The following BCR variants were observed in gnomAD, a reference collection of about 807,000 sequenced individuals.
BCR encodes the protein BCR activator of RhoGEF and GTPase.
In BCR, 58 loss-of-function variants were observed where a neutral mutation model predicts 138.6. The ratio of observed to expected loss-of-function variants is 0.42; its 90% CI spans 0.34 to 0.52. BCR has a LOEUF of 0.52. BCR is among the 20% of genes least tolerant of loss of function. The probability of loss-of-function intolerance (pLI) is 0.06; values close to 1 mark genes in which losing one functional copy is unlikely to be tolerated. For synonymous variants in BCR, 786 were observed against 730.1 expected (o/e 1.08, Z -1.23); for missense variants, 1,599 against 1,727.2 (o/e 0.93, Z 1.32).
At chr22:23,225,656 A>G (rs536387519) in intron 1 of BCR, among the ~76,000 whole-genome samples, 24 of 152,342 alleles carry the variant, frequency 1.6e-4, no homozygotes, top group Non-Finnish European at 2.9e-4. Context: ...TTTATTCGCA[A>G]TGCACTTCAG....
chr22:23,314,183 TCTGCAGTCACTCACTGCCTTTGGCGA>T (rs2074040607), intron 21 of BCR, 110 bp downstream of exon 21: 1 of 886,622 alleles, frequency 1.1e-6, no homozygotes, highest in African/African-American at 1.7e-5. Flanking sequence ...CTGACCCTTG[TCTGCAGTCACTCACTGCCTTTGGCGA>T]CTAGTGCCAC....
chr22:23,253,739 G>A, intron 1 of BCR, 60 bp from the exon 2 acceptor site: 1 of 1,549,428 alleles, frequency 6.5e-7, no homozygotes. Context: ...TGCTGGGATG[G>A]GTTGAGTATG....
Position 23,181,596 on chromosome 22 carries a change from C to G in BCR, c.636C>G (p.Arg212=), listed in dbSNP as rs147251834. 6.2e-7 allele frequency: 1 copy of G among 1,612,626 alleles called. No individual in the cohort carries two copies. The highest frequency in any genetic ancestry group is 1.1e-5 in the South Asian group (1 of 91,082). The change falls in exon 1 of 23, where the codon CGC becomes CGG. Residue 212 remains arginine, a synonymous_variant. Transcript: ENST00000305877. ...SLGSQAMQME[R]KKSQHGAGSS... is the part of the protein sequence containing the mutation. ...GCAGCCAGGCCATGCAGATGGAGCG[C>G]AAAAAGTCCCAGCACGGCGCGGGCT...
At position 23,315,774 on chromosome 22, in the gene BCR, A is replaced by G; in HGVS notation, c.*252A>G. On this transcript the variant is annotated 3_prime_UTR_variant, in exon 23 of 23. Transcript: ENST00000305877. Reference sequence around the variant, plus strand: ...ACCTGAGGGCGCCCCAAGCCAGTTCATCTCGGAGTCCAGGCCTGGCCCTGG... The same window carrying G: ...ACCTGAGGGCGCCCCAAGCCAGTTCGTCTCGGAGTCCAGGCCTGGCCCTGG... 1.7e-6 allele frequency: 1 copy of G among 595,408 alleles called. No individual in the cohort carries two copies. The highest frequency in any genetic ancestry group is 3.1e-6 in the Non-Finnish European group (1 of 319,756). 36.9% of individuals were successfully genotyped at this position (595,408 alleles called of 1,614,324 possible). A position where few individuals can be genotyped will look rare whatever the true frequency, so the allele number is the denominator to read the frequency against.
intron 1 of BCR, among the ~76,000 whole-genome samples, chr22:23,210,570 A>T (rs180752636): frequency 6.6e-6 from 1 of 152,312 alleles, no homozygotes; most frequent in East Asian, 1.9e-4. Flanking sequence ...AGCGTTCTGT[A>T]GCCATTACCT....
chr22:23,202,527 C>A (rs949135843), intron 1 of BCR, among the ~76,000 whole-genome samples: 1 of 152,122 alleles, frequency 6.6e-6, no homozygotes, highest in Non-Finnish European at 1.5e-5. Context: ...CTTCTTCCCC[C>A]ACGCCCAGTC....
chr22:23,199,155 T>G, intron 1 of BCR: 1 of 365,456 alleles, frequency 2.7e-6, no homozygotes, highest in South Asian at 2.0e-5. Context: ...CCCTAACAAA[T>G]GCAGGTTGTG....
intron 14 of BCR, among the ~76,000 whole-genome samples, chr22:23,291,556 C>T (rs2073787564): frequency 6.6e-6 from 1 of 152,018 alleles, no homozygotes; most frequent in Admixed American, 6.6e-5. Context: ...CGGGTCCTGT[C>T]TGTGAGCAAT....
At chr22:23,293,800 A>C (rs12484808) in intron 15 of BCR, among the ~76,000 whole-genome samples, 50,692 of 151,732 alleles carry the variant, frequency 0.33, 9,004 homozygotes, top group African/African-American at 0.44. Context: ...CCTGGCGCAC[A>C]CACACACCCA....
intron 4 of BCR, chr22:23,263,002 A>G: frequency 1.2e-6 from 1 of 820,938 alleles, no homozygotes; most frequent in African/African-American, 1.8e-5. Context: ...GGGGCCGGGA[A>G]AGAGGCACAA....
rs6003592 is a variant in BCR, at chr22:23,261,557, C to T, written c.1752+17C>T. ...CAGAAGCTGGTGAGTAACCCAGGGC[C>T]GGTGCTGGGACTACAGGCGTGTACC... On this transcript the variant is annotated intron_variant, in intron 4 of 22. Coordinates refer to ENST00000305877, the MANE Select transcript of BCR (RefSeq NM_004327.4). 1,647 of 1,609,206 alleles carry T rather than the reference C, an allele frequency of 1.0e-3. 20 individuals are homozygous for T. The African/African-American group carries it at 0.019, about 18-fold the overall frequency.
chr22:23,284,150 A>G, intron 9 of BCR, 52 bp downstream of exon 9: 1 of 1,602,176 alleles, frequency 6.2e-7, no homozygotes. Context: ...CTGACTCTCC[A>G]GGTCATGGAG....
intron 1 of BCR, among the ~76,000 whole-genome samples, chr22:23,244,562 C>T (rs1348914105): frequency 6.6e-6 from 1 of 152,192 alleles, no homozygotes; most frequent in African/African-American, 2.4e-5. Flanking sequence ...CTCCCGTGGC[C>T]TTGTCATGGT....
chr22:23,309,027 G>C (rs2146326230), intron 16 of BCR, among the ~76,000 whole-genome samples: 1 of 152,312 alleles, frequency 6.6e-6, no homozygotes, highest in African/African-American at 2.4e-5. Context: ...CAATTCCCCA[G>C]ACAGCAGCTG....
chr22:23,278,994 A>G (rs1457362363), intron 8 of BCR, among the ~76,000 whole-genome samples: 1 of 152,234 alleles, frequency 6.6e-6, no homozygotes, highest in Non-Finnish European at 1.5e-5. Context: ...AATTCCTTCC[A>G]GGAGCGTGGG....
At chr22:23,283,872 G>A in intron 8 of BCR, 105 bp from the exon 9 acceptor site, 1 of 1,396,338 alleles carries the variant, frequency 7.2e-7, no homozygotes, top group Non-Finnish European at 9.4e-7. Flanking sequence ...TTCCCAGGGA[G>A]AGAATGTCTC....
At position 23,181,300 on chromosome 22, in the gene BCR, G is replaced by A; in HGVS notation, c.340G>A (p.Glu114Lys). 3 of 1,342,166 alleles carry A rather than the reference G, an allele frequency of 2.2e-6. No individual in the cohort carries two copies. The highest frequency in any genetic ancestry group is 2.0e-5 in the South Asian group (1 of 51,164). The allele number at this position is 1,342,166 out of a possible 1,614,324, so 83.1% of individuals were successfully genotyped here. Residue 114 changes from glutamate to lysine, a missense_variant, in exon 1 of 23, where the codon GAG (glutamate) becomes AAG (lysine). This residue lies in a region of BCR where 806 missense variants were observed against 635.0 expected (regional missense o/e 1.27). Transcript: ENST00000305877. ...CGACCCGCCGCCCGCCGAGGAGCCC[G>A]AGGCCCGGCCCGACGGCGAGGGTTC... The part of the protein sequence containing the change: ...GADPPPAEEP[E>K]ARPDGEGSPG...
rs1255302917 is a variant in BCR at position 23,315,612 on chromosome 22, G to A, written c.*90G>A. The stretch of plus-strand genomic sequence containing the variant: ...CGTAGAGCGGGAACCTTCCTGAGGT[G>A]TCCTTGGGCCACCCCCAAGTGTTGG... On this transcript the variant is annotated 3_prime_UTR_variant, in exon 23 of 23. Transcript: ENST00000305877. 9.7e-6 allele frequency: 12 copies of A among 1,234,158 alleles called. No homozygotes were observed. Among genetic ancestry groups the A allele is most frequent in the African/African-American group, 3.0e-5 (2 of 67,432 alleles). 76.5% of individuals were successfully genotyped at this position (1,234,158 alleles called of 1,614,324 possible). A position where few individuals can be genotyped will look rare whatever the true frequency, so the allele number is the denominator to read the frequency against.
Position 23,268,528 on chromosome 22 carries a change from T to A in BCR, c.1860+13T>A. 1.2e-6 allele frequency: 2 copies of A among 1,607,314 alleles called. No individual in the cohort carries two copies. Among genetic ancestry groups the A allele is most frequent in the Non-Finnish European group, 1.7e-6 (2 of 1,174,734 alleles). On this transcript the variant is annotated intron_variant, in intron 5 of 22. Coordinates refer to ENST00000305877, the MANE Select transcript of BCR (RefSeq NM_004327.4). The stretch of plus-strand genomic sequence containing the variant: ...AGAAATCTCCGAGGTAATGCCTTGA[T>A]GCCGTTCAGACAGGTGCACCGCTGA...
Sources: allele counts gnomAD v4.1 joint callset (sites outside exome capture counted in the v4.1 genomes callset), GRCh38; gene constraint gnomAD v4.1.1; regional missense constraint gnomAD v4.1.1; transcripts MANE v1.5; gene names NCBI Gene and HGNC (gene_info 2026-07-23, HGNC 2026-07-21).